ANXA9: variants seen among roughly 807,000 people sequenced by gnomAD.
ANXA9 encodes the protein annexin 31.
A neutral mutation model predicts 51.8 loss-of-function variants in ANXA9; 47 were observed. The observed-to-expected ratio is 0.91, with a 90% CI of 0.72 to 1.16. ANXA9 has a LOEUF of 1.16. ANXA9 is among the 50% of genes most tolerant of loss of function. The probability of loss-of-function intolerance (pLI) is 0.00; values close to 1 mark genes in which losing one functional copy is unlikely to be tolerated. For synonymous variants in ANXA9, 154 were observed against 168.7 expected (o/e 0.91, Z 0.68); for missense variants, 361 against 424.7 (o/e 0.85, Z 1.32).
chr1:150,987,395 C>T (rs1671590476), intron 9 of ANXA9, among the ~76,000 whole-genome samples: 1 of 151,006 alleles, frequency 6.6e-6, no homozygotes, highest in East Asian at 2.0e-4. Flanking sequence ...CACACACACA[C>T]ACACACACGC....
intron 9 of ANXA9, 33 bp from the exon 10 acceptor site, chr1:150,987,839 T>A (rs1244735987): frequency 6.3e-7 from 1 of 1,588,992 alleles, no homozygotes; most frequent in East Asian, 2.2e-5. Flanking sequence ...ATGATCCTGA[T>A]TGACTCCTCC....
At chr1:150,995,020 A>G (rs1671809493) in intron 13 of ANXA9, among the ~76,000 whole-genome samples, 1 of 152,232 alleles carries the variant, frequency 6.6e-6, no homozygotes, top group African/African-American at 2.4e-5. Flanking sequence ...TGAACCCAGA[A>G]GGCAGAGGTT....
chr1:150,986,924 C>T (rs972418973), intron 9 of ANXA9, among the ~76,000 whole-genome samples: 6 of 152,126 alleles, frequency 3.9e-5, no homozygotes, highest in African/African-American at 1.4e-4. Flanking sequence ...CAGAAAGCCT[C>T]CTCAGACCTT....
At chr1:150,986,999 G>C (rs1279163544) in intron 9 of ANXA9, among the ~76,000 whole-genome samples, 2 of 152,102 alleles carry the variant, frequency 1.3e-5, no homozygotes, top group Admixed American at 1.3e-4. Context: ...CTGTGAGGCT[G>C]TAAGGGCAGA....
chr1:150,978,738 G>A (rs1671372684), upstream of ANXA9, among the ~76,000 whole-genome samples: 2 of 151,956 alleles, frequency 1.3e-5, no homozygotes, highest in Non-Finnish European at 2.9e-5. Context: ...GGCCGAGGTG[G>A]GCGGATCACA....
chr1:150,986,810 C>A, intron 9 of ANXA9, 149 bp downstream of exon 9: 1 of 730,358 alleles, frequency 1.4e-6, no homozygotes, highest in Non-Finnish European at 2.2e-6. Context: ...GTGGTAGGGG[C>A]AGGAGGTGTC....
chr1:150,988,778 T>C (rs11204754), intron 12 of ANXA9, among the ~76,000 whole-genome samples: 88,973 of 151,924 alleles, frequency 0.59, 26,801 homozygotes, highest in East Asian at 0.85. Context: ...CCGTATCTTA[T>C]AGATGAAAAA....
At chr1:150,983,213 T>C (rs773148228) in intron 3 of ANXA9, 33 bp downstream of exon 3, 14 of 1,609,588 alleles carry the variant, frequency 8.7e-6, no homozygotes, top group Admixed American at 1.7e-5. Flanking sequence ...AGATCACTTT[T>C]AGTATCTCAG....
chr1:150,983,918 A>C (rs970969708), intron 4 of ANXA9, 57 bp from the exon 5 acceptor site: 2 of 1,534,910 alleles, frequency 1.3e-6, no homozygotes, highest in African/African-American at 2.7e-5. Flanking sequence ...TCCAAGGAGT[A>C]GGAACATCCC....
chr1:150,988,026 G>A (rs188413793), intron 10 of ANXA9, 65 bp from the exon 11 acceptor site: 62 of 1,613,574 alleles, frequency 3.8e-5, no homozygotes, highest in Non-Finnish European at 5.1e-5. Flanking sequence ...GGTGGGGAGG[G>A]CCCATCCTTT....
Position 150,987,139 on chromosome 1 carries a change from A to C in ANXA9, c.612+478A>C, listed in dbSNP as rs142420079. The stretch of plus-strand genomic sequence containing the variant: ...TCCCAGCACTTTGGGAGGCTGAAAC[A>C]AGAGGATCACTTGAGCCCAGGAGTC... On this transcript the variant is annotated intron_variant, in intron 9 of 13. Transcript: ENST00000368947. Among the ~76,000 whole-genome samples the C allele has an allele frequency of 2.4e-3, 367 of 152,048 alleles. 1 individual carries two copies. Among genetic ancestry groups the C allele is most frequent in the Middle Eastern group, 6.8e-3 (2 of 294 alleles).
intron 7 of ANXA9, among the ~76,000 whole-genome samples, 188 bp downstream of exon 7, chr1:150,984,864 TAAAA>T (rs1671510437): frequency 1.3e-5 from 2 of 151,440 alleles, no homozygotes; most frequent in Admixed American, 1.3e-4. Flanking sequence ...ATGTGATCAT[TAAAA>T]AAAGAGAAGC....
upstream of ANXA9, among the ~76,000 whole-genome samples, chr1:150,980,633 G>A (rs1195250906): frequency 5.3e-5 from 7 of 132,562 alleles, no homozygotes; most frequent in South Asian, 2.6e-4. Context: ...GCTGTGGAGT[G>A]CAGTGGCGCC....
At chr1:150,983,039 C>A in intron 2 of ANXA9, 51 bp from the exon 3 acceptor site, 2 of 1,453,770 alleles carry the variant, frequency 1.4e-6, no homozygotes, top group Non-Finnish European at 1.9e-6. Flanking sequence ...CATAAGGAGT[C>A]CCTGAAGGGC....
chr1:150,995,336 C>A lies in ANXA9; in HGVS notation c.*14C>A. 1 of 1,596,284 alleles carries A rather than the reference C, an allele frequency of 6.3e-7. No individual in the cohort carries two copies. The highest frequency in any genetic ancestry group is 1.1e-5 in the South Asian group (1 of 88,500). On this transcript the variant is annotated 3_prime_UTR_variant, in exon 14 of 14. Transcript: ENST00000368947. Reference sequence around the variant, plus strand: ...GAAGACATGTGAGACTTCCCTGCCCCACCCCACATGACATCCGAGGATCTG... The same window carrying A: ...GAAGACATGTGAGACTTCCCTGCCCAACCCCACATGACATCCGAGGATCTG...
rs150067239 is a variant in ANXA9 at position 150,988,286 on chromosome 1, C to T, written c.797C>T (p.Ser266Leu). Residue 266 changes from serine (S) to leucine (L), a missense_variant, in exon 12 of 14, where the codon TCG (serine) becomes TTG (leucine). Transcript: ENST00000368947. ...ATCCTTCCATCTTTGTTTCCAGCTT[C>T]GGTGATCAAGAACACACCGCTGTAC... ...DAQVALLGLA[S>L]VIKNTPLYFA... 24 of 1,614,040 alleles carry T rather than the reference C, an allele frequency of 1.5e-5. No individual in the cohort carries two copies. The highest frequency in any genetic ancestry group is 4.0e-5 in the African/African-American group (3 of 74,908).
rs765571648 is a variant in ANXA9, at chr1:150,983,347, T to C, written c.85T>C (p.Trp29Arg). ...HLGLASKTAA[W>R]GTLGTLRTFL... Reference sequence around the variant, plus strand: ...CCCTGTGCTCCCACAGACTGCAGCGTGGGGGACCCTGGGCACCCTCAGGAC... The same window carrying C: ...CCCTGTGCTCCCACAGACTGCAGCGCGGGGGACCCTGGGCACCCTCAGGAC... Residue 29 changes from tryptophan (W) to arginine (R), a missense_variant, in exon 4 of 14, where the codon TGG (tryptophan) becomes CGG (arginine). Physicochemically the swap from Trp to Arg is moderately radical, Grantham distance 101. Coordinates refer to ENST00000368947, the MANE Select transcript of ANXA9 (RefSeq NM_003568.3). 3.1e-6 allele frequency: 5 copies of C among 1,613,964 alleles called. No homozygotes were observed. Among genetic ancestry groups the C allele is most frequent in the Non-Finnish European group, 3.4e-6 (4 of 1,179,966 alleles).
chr1:150,991,232 A>ATTTATT (rs1671690998), intron 12 of ANXA9, among the ~76,000 whole-genome samples: 1 of 150,124 alleles, frequency 6.7e-6, no homozygotes, highest in African/African-American at 2.5e-5. Flanking sequence ...TATTCTTTTT[A>ATTTATT]TTTATTTTTA....
At chr1:150,993,203 G>A (rs1671747211) in intron 12 of ANXA9, among the ~76,000 whole-genome samples, 1 of 151,784 alleles carries the variant, frequency 6.6e-6, no homozygotes, top group African/African-American at 2.4e-5. Context: ...AAAAACACAG[G>A]AATTTTACAA....
Sources: allele counts gnomAD v4.1 joint callset (sites outside exome capture counted in the v4.1 genomes callset), GRCh38; gene constraint gnomAD v4.1.1; transcripts MANE v1.5; gene names NCBI Gene and HGNC (gene_info 2026-07-23, HGNC 2026-07-21).